Variants in SOX5 observed in about 807,000 individuals in gnomAD.
SOX5 encodes the protein SRY-box transcription factor 5.
SOX5 carries 9 observed loss-of-function variants against 92.0 expected under a neutral mutation model. That is an observed-to-expected ratio of 0.10 (90% confidence interval 0.06 to 0.17). The LOEUF is 0.17. SOX5 is among the 10% of genes least tolerant of loss of function. The pLI is 1.00. For synonymous variants in SOX5, 344 were observed against 336.3 expected (o/e 1.02, Z -0.25); for missense variants, 642 against 944.5 (o/e 0.68, Z 4.20).
At chr12:23,967,182 C>T (rs117855615) in intron 4 of SOX5, among the ~76,000 whole-genome samples, 2 of 152,038 alleles carry the variant, frequency 1.3e-5, no homozygotes, top group East Asian at 3.9e-4. Context: ...CATACACACA[C>T]AGTAAGGAAA....
intron 4 of SOX5, among the ~76,000 whole-genome samples, chr12:24,053,148 C>A (rs545886581): frequency 1.3e-5 from 2 of 151,148 alleles, no homozygotes; most frequent in Admixed American, 1.3e-4. Context: ...TACACCTTTC[C>A]AGTAACTTTT....
rs548693366 is a variant in SOX5 at position 24,157,850 on chromosome 12, G to T, written c.-2+55493C>A. Reference sequence around the variant, plus strand: ...AACATGGCGCCGCACATGGGCTTCTGCCTCCATGAGTCAGAGTTTGCCTCT... The same window carrying T: ...AACATGGCGCCGCACATGGGCTTCTTCCTCCATGAGTCAGAGTTTGCCTCT... On this transcript the variant is annotated intron_variant, in intron 4 of 4. Coordinates refer to the SOX5 transcript ENST00000446891. 2.0e-5 allele frequency among the ~76,000 whole-genome samples: 3 copies of T among 152,146 alleles called. No homozygotes were observed. In the East Asian group the frequency reaches 5.8e-4, roughly 29 times the overall value.
chr12:23,804,931 A>AT (rs1248393005), intron 3 of SOX5, among the ~76,000 whole-genome samples: 2 of 19,604 alleles, frequency 1.0e-4, no homozygotes, highest in Non-Finnish European at 2.0e-4. Flanking sequence ...ATATATATAT[A>AT]TATATATATA....
chr12:24,265,202 C>G (rs1942830228), intron 3 of SOX5, among the ~76,000 whole-genome samples: 1 of 152,162 alleles, frequency 6.6e-6, no homozygotes, highest in African/African-American at 2.4e-5. Flanking sequence ...GAAGAAATAA[C>G]TTAGATTCTA....
intron 3 of SOX5, among the ~76,000 whole-genome samples, chr12:23,791,134 A>G (rs757546817): frequency 6.6e-6 from 1 of 152,200 alleles, no homozygotes; most frequent in Non-Finnish European, 1.5e-5. Flanking sequence ...TTTCTTAAGA[A>G]TGGTTATTAC....
At chr12:24,114,032 G>C (rs1323794903) in intron 4 of SOX5, among the ~76,000 whole-genome samples, 3 of 152,136 alleles carry the variant, frequency 2.0e-5, no homozygotes, top group Non-Finnish European at 4.4e-5. Context: ...CTATTTTGAA[G>C]GACTGAGGAG....
At chr12:23,823,782 G>A (rs1218434201) in intron 3 of SOX5, among the ~76,000 whole-genome samples, 1 of 152,122 alleles carries the variant, frequency 6.6e-6, no homozygotes, top group African/African-American at 2.4e-5. Flanking sequence ...CTTTCACATA[G>A]TCCCATATTT....
chr12:24,074,542 C>G (rs1299612902), intron 4 of SOX5, among the ~76,000 whole-genome samples: 1 of 144,106 alleles, frequency 6.9e-6, no homozygotes, highest in Non-Finnish European at 1.5e-5. Flanking sequence ...ATGTTTATAC[C>G]CAAACAGTAC....
intron 3 of SOX5, among the ~76,000 whole-genome samples, chr12:23,793,117 A>G (rs1442777157): frequency 6.6e-6 from 1 of 152,176 alleles, no homozygotes; most frequent in Non-Finnish European, 1.5e-5. Context: ...AATTACAGTA[A>G]TCTTCCTGTA....
chr12:24,505,283 T>C (rs1429452138), intron 1 of SOX5, among the ~76,000 whole-genome samples: 1 of 151,970 alleles, frequency 6.6e-6, no homozygotes, highest in East Asian at 1.9e-4. Flanking sequence ...AAACCTTGAG[T>C]TGTATCTGGA....
At chr12:23,991,165 G>C (rs1950516620) in intron 4 of SOX5, among the ~76,000 whole-genome samples, 1 of 148,278 alleles carries the variant, frequency 6.7e-6, no homozygotes, top group Admixed American at 6.9e-5. Context: ...ACCAGCCTGG[G>C]CAACACAGTG....
intron 6 of SOX5, among the ~76,000 whole-genome samples, chr12:23,707,669 A>G (rs2091570466): frequency 6.6e-6 from 1 of 152,148 alleles, no homozygotes; most frequent in South Asian, 2.1e-4. Flanking sequence ...ACCTAAAATT[A>G]AAGTAATAAA....
At chr12:24,493,821 A>C (rs1452945693) in intron 1 of SOX5, among the ~76,000 whole-genome samples, 1 of 151,652 alleles carries the variant, frequency 6.6e-6, no homozygotes, top group Non-Finnish European at 1.5e-5. Flanking sequence ...CGGAGATTGC[A>C]CCACTGCACT....
intron 3 of SOX5, among the ~76,000 whole-genome samples, chr12:24,257,677 C>T (rs7136810): frequency 0.67 from 101,874 of 151,368 alleles, 36,746 homozygotes; most frequent in East Asian, 0.95. Context: ...CCATATTGGT[C>T]AGGCTGGTCT....
intron 14 of SOX5, 53 bp from the exon 15 acceptor site, chr12:23,534,575 T>G: frequency 7.1e-7 from 1 of 1,415,204 alleles, no homozygotes; most frequent in Non-Finnish European, 9.7e-7. Flanking sequence ...AATAGTTAGA[T>G]GTGGACTTTA....
At chr12:24,143,128 G>C (rs1047062321) in intron 4 of SOX5, among the ~76,000 whole-genome samples, 3 of 152,120 alleles carry the variant, frequency 2.0e-5, no homozygotes, top group African/African-American at 7.2e-5. Context: ...ATTAGCTCTG[G>C]AATAAATGCT....
intron 3 of SOX5, among the ~76,000 whole-genome samples, chr12:24,247,747 T>A (rs1031263083): frequency 6.7e-6 from 1 of 149,238 alleles, no homozygotes. Flanking sequence ...GCTTCCTGGG[T>A]TCAAGCAATT....
chr12:23,705,290 G>C (rs940090404), intron 6 of SOX5, among the ~76,000 whole-genome samples: 2 of 151,932 alleles, frequency 1.3e-5, no homozygotes, highest in Non-Finnish European at 2.9e-5. Flanking sequence ...AAGTAAAAGA[G>C]CGCTGCATGT....
At chr12:24,215,586 G>T (rs567264356) in intron 3 of SOX5, among the ~76,000 whole-genome samples, 1 of 151,962 alleles carries the variant, frequency 6.6e-6, no homozygotes, top group Admixed American at 6.5e-5. Context: ...AAACATCTTT[G>T]AAAAAAATTA....
Sources: gnomAD v4.1 joint callset for allele counts (sites outside exome capture counted in the v4.1 genomes callset) on GRCh38, gnomAD v4.1.1 for gene constraint, MANE v1.5 for transcripts, NCBI Gene and HGNC (gene_info 2026-07-23, HGNC 2026-07-21) for gene names.